The following SLC14A2 variants were observed in gnomAD, a reference collection of about 807,000 sequenced individuals.
SLC14A2 encodes solute carrier family 14 member 2.
In SLC14A2, 91 loss-of-function variants were observed where a neutral mutation model predicts 104.6. The ratio of observed to expected loss-of-function variants is 0.87; its 90% CI spans 0.73 to 1.04. The LOEUF (loss-of-function observed/expected upper bound fraction) is 1.04, where lower values mean the gene tolerates loss of function less well. Among genes scored for constraint, SLC14A2 ranks in the 50% least tolerant of loss-of-function variants. The pLI, the probability that SLC14A2 is intolerant of heterozygous loss-of-function variation, is 0.00. For synonymous variants in SLC14A2, 476 were observed against 466.4 expected, an observed-to-expected ratio of 1.02 and a Z score of -0.27; for missense variants, 1,189 against 1,156.0, an observed-to-expected ratio of 1.03 and a Z score of -0.41.
intron 19 of SLC14A2, among the ~76,000 whole-genome samples, chr18:45,680,339 A>C (rs2046293667): frequency 6.6e-6 from 1 of 152,216 alleles, no homozygotes; most frequent in Non-Finnish European, 1.5e-5. Context: ...CAGAGAAGTT[A>C]CAGATTAGAC....
chr18:45,287,463 C>T (rs1460541926), intron 1 of SLC14A2, among the ~76,000 whole-genome samples: 1 of 152,192 alleles, frequency 6.6e-6, no homozygotes, highest in South Asian at 2.1e-4. Flanking sequence ...CAACTCGTGG[C>T]CCACAGCAAG....
chr18:45,216,704 T>C (rs1044731195), intron 1 of SLC14A2, among the ~76,000 whole-genome samples: 3 of 149,946 alleles, frequency 2.0e-5, no homozygotes, highest in Admixed American at 6.6e-5. Context: ...CTTCCTGCCA[T>C]CTTGGACATA....
chr18:45,664,350 G>A (rs2045979830), intron 11 of SLC14A2, among the ~76,000 whole-genome samples: 1 of 152,252 alleles, frequency 6.6e-6, no homozygotes, highest in Admixed American at 6.5e-5. Context: ...AGAGACCCAT[G>A]GTGGGGAAAG....
At chr18:45,299,165 AGGG>A (rs2084944079) in intron 1 of SLC14A2, among the ~76,000 whole-genome samples, 2 of 152,258 alleles carry the variant, frequency 1.3e-5, no homozygotes, top group African/African-American at 2.4e-5. Flanking sequence ...ATAAAGCAGT[AGGG>A]TACATTCAAG....
intron 1 of SLC14A2, among the ~76,000 whole-genome samples, chr18:45,227,036 C>G (rs1004880404): frequency 6.6e-6 from 1 of 152,072 alleles, no homozygotes; most frequent in Admixed American, 6.6e-5. Context: ...CATCTGTATT[C>G]AAGGCAGGAA....
chr18:45,219,020 C>T (rs1054270169), intron 1 of SLC14A2, among the ~76,000 whole-genome samples: 3 of 152,020 alleles, frequency 2.0e-5, no homozygotes, highest in Non-Finnish European at 4.4e-5. Flanking sequence ...AAGGTAAAAT[C>T]TTTAAGAAGA....
chr18:45,212,832 A>G (rs562941117), upstream of SLC14A2, among the ~76,000 whole-genome samples: 1 of 152,322 alleles, frequency 6.6e-6, no homozygotes, highest in Admixed American at 6.5e-5. Context: ...GACCTGGCCT[A>G]TACAGAATTG....
At chr18:45,554,202 G>T (rs1219735598) in intron 2 of SLC14A2, among the ~76,000 whole-genome samples, 1 of 152,140 alleles carries the variant, frequency 6.6e-6, no homozygotes, top group African/African-American at 2.4e-5. Flanking sequence ...GAGACAATGT[G>T]TCACAGTCCC....
At chr18:45,596,586 G>A (rs914595056) in intron 2 of SLC14A2, among the ~76,000 whole-genome samples, 7 of 152,206 alleles carry the variant, frequency 4.6e-5, no homozygotes, top group African/African-American at 1.7e-4. Flanking sequence ...CATGGCAGGT[G>A]TGCGTGTTCC....
chr18:45,181,530 T>A, the SLC14A2 span, among the ~76,000 whole-genome samples: 1 of 152,168 alleles, frequency 6.6e-6, no homozygotes, highest in African/African-American at 2.4e-5. Flanking sequence ...CAAGAGGGAA[T>A]GTAACTTCTT....
At chr18:45,682,082 G>A (rs564973248) in intron 19 of SLC14A2, among the ~76,000 whole-genome samples, 11 of 152,300 alleles carry the variant, frequency 7.2e-5, no homozygotes, top group African/African-American at 2.6e-4. Flanking sequence ...CTACATAAGG[G>A]CATATTAGCC....
chr18:45,344,586 T>A (rs1168038875), intron 1 of SLC14A2, among the ~76,000 whole-genome samples: 1 of 152,202 alleles, frequency 6.6e-6, no homozygotes, highest in East Asian at 1.9e-4. Context: ...ATATTTTGGA[T>A]GCAAGGGGGA....
intron 2 of SLC14A2, among the ~76,000 whole-genome samples, chr18:45,543,086 T>C (rs936371434): frequency 2.0e-5 from 3 of 151,926 alleles, no homozygotes; most frequent in African/African-American, 7.2e-5. Context: ...GTAGCTGGGA[T>C]TACAGGTGCA....
upstream of SLC14A2, among the ~76,000 whole-genome samples, chr18:45,210,112 G>A (rs1024296636): frequency 6.6e-6 from 1 of 152,186 alleles, no homozygotes; most frequent in Non-Finnish European, 1.5e-5. Context: ...CCCAGGGAAG[G>A]ATGCTAGGCT....
chr18:45,213,111 G>A (rs1319833593), exon 1 of SLC14A2: 2 of 152,282 alleles, frequency 1.3e-5, no homozygotes, highest in East Asian at 1.9e-4. Context: ...ATATCTCATT[G>A]AAGTATTTGC....
chr18:45,361,646 C>T (rs2085612357), intron 1 of SLC14A2, among the ~76,000 whole-genome samples: 1 of 152,168 alleles, frequency 6.6e-6, no homozygotes, highest in Admixed American at 6.5e-5. Flanking sequence ...TGCCTGCACC[C>T]AAGGGACACT....
intron 1 of SLC14A2, among the ~76,000 whole-genome samples, chr18:45,417,486 T>A (rs2086290325): frequency 6.6e-6 from 1 of 152,128 alleles, no homozygotes; most frequent in Non-Finnish European, 1.5e-5. Flanking sequence ...ACATTCTTCT[T>A]CACATGATGG....
At chr18:45,416,096 A>G (rs1301455143) in intron 1 of SLC14A2, among the ~76,000 whole-genome samples, 1 of 152,156 alleles carries the variant, frequency 6.6e-6, no homozygotes, top group Non-Finnish European at 1.5e-5. Context: ...GGCGTTGAAG[A>G]GAGCGTTTGA....
At chr18:45,176,310 G>A in the SLC14A2 span, among the ~76,000 whole-genome samples, 1 of 152,146 alleles carries the variant, frequency 6.6e-6, no homozygotes, top group Non-Finnish European at 1.5e-5. Flanking sequence ...CAGAAAACTT[G>A]CTCAAGTCTC....
Sources: gnomAD v4.1 joint callset for allele counts (sites outside exome capture counted in the v4.1 genomes callset) on GRCh38, gnomAD v4.1.1 for gene constraint, MANE v1.5 for transcripts, NCBI Gene and HGNC (gene_info 2026-07-23, HGNC 2026-07-21) for gene names.